Variants in ESF1 observed in about 807,000 individuals in gnomAD.
ESF1 encodes the protein ESF1 nucleolar pre-rRNA processing protein.
A neutral mutation model predicts 92.0 loss-of-function variants in ESF1; 58 were observed. The ratio of observed to expected loss-of-function variants is 0.63; its 90% CI spans 0.51 to 0.78. ESF1 has a LOEUF of 0.78. Ranked by LOEUF, ESF1 falls within the 30% of genes least tolerant of loss-of-function variation. The pLI is 0.00. For missense variants in ESF1, 922 were observed against 989.1 expected, an observed-to-expected ratio of 0.93 and a Z score of 0.91; for synonymous variants, 321 against 313.7, an observed-to-expected ratio of 1.02 and a Z score of -0.24.
At chr20:13,737,398 GCCTA>G (rs2049981802) in intron 9 of ESF1, among the ~76,000 whole-genome samples, 2 of 152,148 alleles carry the variant, frequency 1.3e-5, no homozygotes, top group African/African-American at 4.8e-5. Flanking sequence ...TATACATTCT[GCCTA>G]CCTTATTCAT....
intron 9 of ESF1, among the ~76,000 whole-genome samples, chr20:13,750,606 G>A (rs1978588397): frequency 6.6e-6 from 1 of 152,216 alleles, no homozygotes; most frequent in Non-Finnish European, 1.5e-5. Flanking sequence ...TATATTTTGT[G>A]TATAATTTTA....
intron 1 of ESF1, among the ~76,000 whole-genome samples, chr20:13,783,756 A>C (rs895717517): frequency 2.0e-5 from 3 of 152,208 alleles, no homozygotes; most frequent in Non-Finnish European, 4.4e-5. Context: ...TCTTGGCTAG[A>C]GTGAGCCTAA....
At chr20:13,772,657 T>G in intron 4 of ESF1, 42 bp from the exon 5 acceptor site, 1 of 1,373,648 alleles carries the variant, frequency 7.3e-7, no homozygotes, top group South Asian at 1.2e-5. Context: ...TGTACATTCC[T>G]TTACACAAAT....
Position 13,776,059 on chromosome 20 carries a change from CTCTTCA to C in ESF1, c.843_848del (p.Asp281_Glu282del), listed in dbSNP as rs750866669. The C allele has an allele frequency of 9.3e-6, 15 of 1,613,134 alleles. No homozygotes were observed. Among genetic ancestry groups the C allele is most frequent in the Non-Finnish European group, 1.3e-5 (15 of 1,179,428 alleles). ...CCTCACTATCCTCATCTTCATCCTC[CTCTTCA>C]TCTTCATCCTCCTCTTCATCATCTT... is the stretch of plus-strand genomic sequence containing the variant. On this transcript the variant is annotated inframe_deletion, in exon 3 of 14. Transcript: ENST00000617257.
intron 13 of ESF1, 38 bp from the exon 14 acceptor site, chr20:13,715,205 T>G: frequency 6.9e-7 from 1 of 1,445,164 alleles, no homozygotes; most frequent in Non-Finnish European, 9.1e-7. Context: ...ATAAATTAAT[T>G]AAACAAAATT....
chr20:13,721,252 A>C (rs1162950961), intron 11 of ESF1, among the ~76,000 whole-genome samples: 1 of 152,256 alleles, frequency 6.6e-6, no homozygotes, highest in Non-Finnish European at 1.5e-5. Context: ...AATGGTCAAT[A>C]AACAGAAGGA....
At chr20:13,784,455 C>A (rs2147459722) in intron 1 of ESF1, among the ~76,000 whole-genome samples, 1 of 152,310 alleles carries the variant, frequency 6.6e-6, no homozygotes, top group South Asian at 2.1e-4. Flanking sequence ...ACCACCTCAA[C>A]CAGGAGAAGT....
At chr20:13,757,914 T>C (rs1471086993) in intron 9 of ESF1, among the ~76,000 whole-genome samples, 1 of 152,206 alleles carries the variant, frequency 6.6e-6, no homozygotes, top group African/African-American at 2.4e-5. Flanking sequence ...AATAAGCTCA[T>C]TCTAAGATTA....
rs192408842 is a variant in ESF1 at position 13,773,952 on chromosome 20, G to A, written c.1149+1205C>T. 1.2e-3 allele frequency among the ~76,000 whole-genome samples: 185 copies of A among 151,866 alleles called. 2 individuals carry two copies. The East Asian group carries it at 0.031, about 25-fold the overall frequency. Reference sequence around the variant, plus strand: ...CTACTAAAAATACAAAAAATTAGCCGGGCGTGGTGGTGGGCGCCTGTAGTC... The same window carrying A: ...CTACTAAAAATACAAAAAATTAGCCAGGCGTGGTGGTGGGCGCCTGTAGTC... On this transcript the variant is annotated intron_variant, in intron 4 of 13. Coordinates refer to ENST00000617257, the MANE Select transcript of ESF1 (RefSeq NM_001276380.2).
intron 1 of ESF1, among the ~76,000 whole-genome samples, chr20:13,783,412 C>T (rs1227144601): frequency 6.6e-6 from 1 of 152,184 alleles, no homozygotes; most frequent in Admixed American, 6.5e-5. Flanking sequence ...GAGAAATAAA[C>T]TTAAGGTAGA....
At chr20:13,767,205 A>G (rs1384852441) in intron 7 of ESF1, among the ~76,000 whole-genome samples, 1 of 152,204 alleles carries the variant, frequency 6.6e-6, no homozygotes, top group East Asian at 1.9e-4. Flanking sequence ...ACGGTGCAAA[A>G]AAACTAAGAA....
intron 2 of ESF1, among the ~76,000 whole-genome samples, chr20:13,778,028 A>G (rs934675964): frequency 5.3e-5 from 8 of 152,198 alleles, no homozygotes; most frequent in African/African-American, 1.9e-4. Flanking sequence ...GGATTCATAA[A>G]TAAAAGGTAA....
chr20:13,735,728 A>C (rs1010786354), intron 9 of ESF1, among the ~76,000 whole-genome samples: 1 of 152,160 alleles, frequency 6.6e-6, no homozygotes, highest in African/African-American at 2.4e-5. Flanking sequence ...TCATGCATTA[A>C]GATTGTATTA....
chr20:13,761,455 G>A (rs1979199270), intron 8 of ESF1, among the ~76,000 whole-genome samples: 1 of 150,154 alleles, frequency 6.7e-6, no homozygotes, highest in South Asian at 2.1e-4. Flanking sequence ...CCCTCTTTAT[G>A]TCCTCCACTA....
At chr20:13,742,224 C>A (rs8120250) in intron 9 of ESF1, among the ~76,000 whole-genome samples, 1 of 151,926 alleles carries the variant, frequency 6.6e-6, no homozygotes, top group African/African-American at 2.4e-5. Context: ...AAAAATTAGC[C>A]GGGTGTGGTG....
At chr20:13,739,721 CAAAA>C (rs112560154) in intron 9 of ESF1, among the ~76,000 whole-genome samples, 1 of 77,934 alleles carries the variant, frequency 1.3e-5, no homozygotes, top group African/African-American at 4.2e-5. Flanking sequence ...TAAGAAAGTT[CAAAA>C]AAAAAAAAAA....
chr20:13,743,432 T>G (rs1346915017), intron 9 of ESF1, among the ~76,000 whole-genome samples: 4 of 152,218 alleles, frequency 2.6e-5, no homozygotes, highest in Non-Finnish European at 5.9e-5. Flanking sequence ...TGAACCCCTA[T>G]GTTCATTGCA....
chr20:13,768,897 C>CAAAAAA (rs574502122), intron 7 of ESF1, among the ~76,000 whole-genome samples: 12 of 59,056 alleles, frequency 2.0e-4, no homozygotes, highest in Non-Finnish European at 2.6e-4. Context: ...ACTCTAGTCT[C>CAAAAAA]AAAAAAAAAA....
chr20:13,768,561 G>A (rs983694268), intron 7 of ESF1, among the ~76,000 whole-genome samples: 1 of 151,420 alleles, frequency 6.6e-6, no homozygotes, highest in African/African-American at 2.4e-5. Context: ...CAGCCTAGGC[G>A]ACAGAGTGAG....
Sources: allele counts gnomAD v4.1 joint callset (sites outside exome capture counted in the v4.1 genomes callset), GRCh38; gene constraint gnomAD v4.1.1; transcripts MANE v1.5; gene names NCBI Gene and HGNC (gene_info 2026-07-23, HGNC 2026-07-21).